Variants in DYM observed in about 807,000 individuals in gnomAD.
DYM encodes the protein dymeclin.
A neutral mutation model predicts 93.1 loss-of-function variants in DYM; 78 were observed. The observed-to-expected ratio is 0.84, with a 90% CI of 0.70 to 1.01. The LOEUF is 1.01. DYM is among the 50% of genes least tolerant of loss of function. The pLI is 0.00. For missense variants in DYM, 789 were observed against 845.0 expected, an observed-to-expected ratio of 0.93 and a Z score of 0.82; for synonymous variants, 321 against 319.7, an observed-to-expected ratio of 1.00 and a Z score of -0.04.
intron 14 of DYM, among the ~76,000 whole-genome samples, chr18:49,164,215 G>A (rs991522516): frequency 1.3e-5 from 2 of 151,954 alleles, no homozygotes; most frequent in Admixed American, 1.3e-4. Context: ...AGAGTCTATG[G>A]TTCTGTATTA....
intron 8 of DYM, among the ~76,000 whole-genome samples, chr18:49,331,124 T>C (rs1301986071): frequency 6.6e-6 from 1 of 152,118 alleles, no homozygotes. Context: ...CTGTCCTGCG[T>C]GATTAAGGAG....
At chr18:49,276,632 A>G (rs1280587666) in intron 10 of DYM, among the ~76,000 whole-genome samples, 1 of 152,202 alleles carries the variant, frequency 6.6e-6, no homozygotes. Flanking sequence ...ATGATTAAAT[A>G]AAGAATAAAA....
chr18:49,203,836 C>G (rs1022990496), intron 14 of DYM, among the ~76,000 whole-genome samples: 1 of 90,708 alleles, frequency 1.1e-5, no homozygotes, highest in African/African-American at 4.4e-5. Flanking sequence ...GAGAAACACC[C>G]AAGAATTATC....
At chr18:49,285,229 T>G (rs2145808236) in intron 9 of DYM, among the ~76,000 whole-genome samples, 1 of 152,280 alleles carries the variant, frequency 6.6e-6, no homozygotes, top group Admixed American at 6.5e-5. Flanking sequence ...ACACTGCAAA[T>G]AATACCAGAA....
rs142256499 is a variant in DYM, at chr18:49,349,271, A to G, written c.494+13890T>C. ...TAAAAACTGAACTTTTATTAACTTA[A>G]ATACTATACTGTATATGCAAAAAAT... On this transcript the variant is annotated intron_variant, in intron 6 of 17. Coordinates refer to ENST00000675505, the MANE Select transcript of DYM (RefSeq NM_001353214.3). Among the ~76,000 whole-genome samples, 1,473 of 152,304 alleles carry G rather than the reference A, an allele frequency of 9.7e-3. 12 individuals carry two copies. The highest frequency in any genetic ancestry group is 0.013 in the Non-Finnish European group (877 of 68,016).
At chr18:49,435,403 T>C (rs2080753545) in intron 1 of DYM, among the ~76,000 whole-genome samples, 1 of 137,962 alleles carries the variant, frequency 7.2e-6, no homozygotes, top group Non-Finnish European at 1.5e-5. Flanking sequence ...TTACAAACTC[T>C]AGGGTAAACA....
chr18:49,271,628 T>G (rs1384189554), intron 11 of DYM, among the ~76,000 whole-genome samples: 1 of 151,970 alleles, frequency 6.6e-6, no homozygotes, highest in Non-Finnish European at 1.5e-5. Flanking sequence ...AACCTTGTAC[T>G]TCTATACAAG....
chr18:49,077,263 T>A (rs1373843374), intron 17 of DYM, among the ~76,000 whole-genome samples: 1 of 152,230 alleles, frequency 6.6e-6, no homozygotes, highest in Non-Finnish European at 1.5e-5. Flanking sequence ...GCACATGATT[T>A]TCTGTGCTGT....
intron 13 of DYM, among the ~76,000 whole-genome samples, chr18:49,214,321 G>A (rs186209959): frequency 6.6e-5 from 10 of 152,282 alleles, no homozygotes; most frequent in African/African-American, 2.4e-4. Flanking sequence ...ATTCTCATAG[G>A]AAGACGAACC....
intron 8 of DYM, among the ~76,000 whole-genome samples, chr18:49,331,450 G>C (rs2063297832): frequency 6.6e-6 from 1 of 152,202 alleles, no homozygotes; most frequent in African/African-American, 2.4e-5. Flanking sequence ...AAAGCACTTA[G>C]TGTAATAGGA....
At chr18:49,045,953 C>T (rs1436599122) in intron 17 of DYM, among the ~76,000 whole-genome samples, 1 of 152,068 alleles carries the variant, frequency 6.6e-6, no homozygotes, top group Non-Finnish European at 1.5e-5. Flanking sequence ...CTGGAGGGCA[C>T]AGTGCAGCAG....
At chr18:49,207,900 C>T (rs1017505217) in intron 14 of DYM, among the ~76,000 whole-genome samples, 4 of 151,946 alleles carry the variant, frequency 2.6e-5, no homozygotes, top group Admixed American at 1.3e-4. Flanking sequence ...AGAGTAAGGT[C>T]GACCGGGTGT....
chr18:49,394,314 A>T (rs1025736218), intron 2 of DYM, among the ~76,000 whole-genome samples: 4 of 152,210 alleles, frequency 2.6e-5, no homozygotes, highest in African/African-American at 9.7e-5. Context: ...TAATTATATG[A>T]TATCGATAAA....
chr18:49,291,267 C>T (rs954339992), intron 8 of DYM, among the ~76,000 whole-genome samples: 2 of 152,164 alleles, frequency 1.3e-5, no homozygotes, highest in Non-Finnish European at 2.9e-5. Flanking sequence ...CTAACACAGG[C>T]AGATACTTTT....
intron 14 of DYM, among the ~76,000 whole-genome samples, chr18:49,169,567 G>A (rs1220552551): frequency 1.5e-4 from 23 of 152,156 alleles, no homozygotes; most frequent in Admixed American, 1.4e-3. Flanking sequence ...AGTGATCAAC[G>A]CAAAACTGCT....
intron 17 of DYM, chr18:49,097,126 C>T (rs1303932809): frequency 1.0e-5 from 5 of 498,974 alleles, no homozygotes; most frequent in South Asian, 6.4e-5. Flanking sequence ...CTCTTAAGGC[C>T]GAATTTGTTT....
chr18:49,196,321 T>C (rs2091445994), intron 14 of DYM, among the ~76,000 whole-genome samples: 1 of 152,166 alleles, frequency 6.6e-6, no homozygotes, highest in East Asian at 1.9e-4. Context: ...ATTAGTAGAC[T>C]GAGCAAGTCT....
chr18:49,350,921 G>A (rs1599608610), intron 6 of DYM, among the ~76,000 whole-genome samples: 2 of 151,898 alleles, frequency 1.3e-5, no homozygotes, highest in Admixed American at 6.6e-5. Flanking sequence ...TGATGAGGGA[G>A]GTCAAAAACT....
chr18:49,247,878 A>G (rs1439959415), intron 13 of DYM, among the ~76,000 whole-genome samples: 1 of 152,228 alleles, frequency 6.6e-6, no homozygotes, highest in Non-Finnish European at 1.5e-5. Flanking sequence ...ACTAAACTAA[A>G]AAAGCAAACC....
Sources: gnomAD v4.1 joint callset for allele counts (sites outside exome capture counted in the v4.1 genomes callset) on GRCh38, gnomAD v4.1.1 for gene constraint, MANE v1.5 for transcripts, NCBI Gene and HGNC (gene_info 2026-07-23, HGNC 2026-07-21) for gene names.